METAP1D: variants seen among roughly 807,000 people sequenced by gnomAD.
METAP1D encodes methionine aminopeptidase 1D, mitochondrial.
A neutral mutation model predicts 40.5 loss-of-function variants in METAP1D; 31 were observed. The ratio of observed to expected loss-of-function variants is 0.77; its 90% CI spans 0.58 to 1.03. The LOEUF is 1.03. METAP1D is among the 50% of genes least tolerant of loss of function. METAP1D has a pLI of 0.00. For synonymous variants in METAP1D, 151 were observed against 146.4 expected (o/e 1.03, Z -0.22); for missense variants, 411 against 420.7 (o/e 0.98, Z 0.20).
chr2:172,026,005 A>C (rs1689113097), intron 1 of METAP1D, among the ~76,000 whole-genome samples: 6 of 152,190 alleles, frequency 3.9e-5, no homozygotes, highest in Admixed American at 1.3e-4. Context: ...ACCAAATTTG[A>C]GAGTAATTTC....
chr2:172,075,144 A>C (rs1380218595), intron 6 of METAP1D, among the ~76,000 whole-genome samples: 1 of 152,226 alleles, frequency 6.6e-6, no homozygotes, highest in Admixed American at 6.5e-5. Flanking sequence ...AGACAGTATA[A>C]TAGGAAAGTA....
Position 172,080,465 on chromosome 2 carries a change from G to A in METAP1D, c.*59G>A, listed in dbSNP as rs574693928. 778 of 1,568,430 alleles carry A rather than the reference G, an allele frequency of 5.0e-4. 7 individuals carry two copies. The South Asian group carries it at 6.7e-3, about 14-fold the overall frequency. Reference sequence around the variant, plus strand: ...TTTTTAAATAAATTGCTGAAATTTGGCTGGAGAACTTTTAGAAGAAACAGG... The same window carrying A: ...TTTTTAAATAAATTGCTGAAATTTGACTGGAGAACTTTTAGAAGAAACAGG... On this transcript the variant is annotated 3_prime_UTR_variant, in exon 10 of 10. Coordinates refer to ENST00000315796, the MANE Select transcript of METAP1D (RefSeq NM_199227.3).
chr2:172,031,572 A>T (rs1440053345), intron 1 of METAP1D, among the ~76,000 whole-genome samples: 2 of 152,224 alleles, frequency 1.3e-5, no homozygotes, highest in South Asian at 2.1e-4. Flanking sequence ...TTTGAGCACA[A>T]TACCAAAGTG....
Position 172,003,812 on chromosome 2 carries a change from TG to T in METAP1D, c.40+3804del, listed in dbSNP as rs541969409. 7.7e-3 allele frequency among the ~76,000 whole-genome samples: 1,171 copies of T among 152,044 alleles called. 19 individuals carry two copies. The highest frequency in any genetic ancestry group is 0.026 in the African/African-American group (1,080 of 41,472). On this transcript the variant is annotated intron_variant, in intron 1 of 9. Transcript: ENST00000315796. ...CAGAGTCTCGCCCTGTAGCACAGGG[TG>T]AAGTGCAGTGGTGCGATCTTGGCTC... is the stretch of plus-strand genomic sequence containing the variant.
intron 4 of METAP1D, 142 bp downstream of exon 4, chr2:172,065,894 T>A: frequency 2.2e-6 from 2 of 910,660 alleles, no homozygotes; most frequent in Non-Finnish European, 3.2e-6. Context: ...ACAGAAATTT[T>A]GAAGTATTTT....
At chr2:172,042,613 A>G (rs796185154) in intron 1 of METAP1D, among the ~76,000 whole-genome samples, 1,872 of 8,598 alleles carry the variant, frequency 0.22, 918 homozygotes, top group South Asian at 0.75. Context: ...ATATATACAT[A>G]TATGTGTGTA....
chr2:172,010,142 CTTT>C (rs570964028), intron 1 of METAP1D, among the ~76,000 whole-genome samples: 12 of 134,318 alleles, frequency 8.9e-5, no homozygotes, highest in Non-Finnish European at 1.1e-4. Context: ...TTTGTCCCTT[CTTT>C]TTTTTTTTTT....
chr2:172,080,528 A>C lies in METAP1D; in HGVS notation c.*122A>C, dbSNP rs1690680566. The C allele has an allele frequency of 1.9e-6, 2 of 1,041,472 alleles. No homozygotes were observed. The highest frequency in any genetic ancestry group is 3.2e-5 in the African/African-American group (2 of 63,488). The allele number at this position is 1,041,472 out of a possible 1,614,324, so 64.5% of individuals were successfully genotyped here. On this transcript the variant is annotated 3_prime_UTR_variant, in exon 10 of 10. Transcript: ENST00000315796. ...GGTGCGGTAACCTGCGTGGCTCCTG[A>C]TAGCGTTTGGAAGAACGCGGGGGAG... is the stretch of plus-strand genomic sequence containing the variant.
intron 6 of METAP1D, among the ~76,000 whole-genome samples, chr2:172,076,848 A>C (rs1162806762): frequency 6.6e-6 from 1 of 152,244 alleles, no homozygotes; most frequent in Non-Finnish European, 1.5e-5. Flanking sequence ...TGTTAGGGTT[A>C]GGGGCATTTT....
chr2:172,002,229 AAC>A (rs768034258), intron 1 of METAP1D, among the ~76,000 whole-genome samples: 7 of 152,044 alleles, frequency 4.6e-5, no homozygotes, highest in Non-Finnish European at 1.0e-4. Flanking sequence ...ACAACCTGAA[AAC>A]ATACATAGGT....
At chr2:172,011,051 A>G (rs552388791) in intron 1 of METAP1D, among the ~76,000 whole-genome samples, 264 of 150,774 alleles carry the variant, frequency 1.8e-3, no homozygotes, top group East Asian at 0.016. Flanking sequence ...CACCGCGCCC[A>G]GCCTGTCTGT....
chr2:172,003,886 TC>T (rs767473945), intron 1 of METAP1D, among the ~76,000 whole-genome samples: 1 of 152,046 alleles, frequency 6.6e-6, no homozygotes, highest in Non-Finnish European at 1.5e-5. Context: ...TGCCTCAGCC[TC>T]CCGAGTAGCT....
chr2:172,077,282 TA>T (rs1198527092), intron 6 of METAP1D, among the ~76,000 whole-genome samples: 1 of 152,242 alleles, frequency 6.6e-6, no homozygotes, highest in Non-Finnish European at 1.5e-5. Context: ...TGCCTGTTGG[TA>T]AAATGTGTAA....
intron 1 of METAP1D, among the ~76,000 whole-genome samples, chr2:172,020,722 G>A (rs1286686218): frequency 6.6e-6 from 1 of 152,144 alleles, no homozygotes; most frequent in East Asian, 1.9e-4. Flanking sequence ...GTATTGTGGA[G>A]AAAATAGAAC....
rs1218168897 is a variant in METAP1D, at chr2:172,082,096, A to C, written c.*1690A>C. The stretch of plus-strand genomic sequence containing the variant: ...ATAGAAAAACTTTTTGTGTGGTCGG[A>C]AGTTGGCCAAGCAGAGGCCCACAGC... On this transcript the variant is annotated 3_prime_UTR_variant, in exon 10 of 10. Coordinates refer to ENST00000315796, the MANE Select transcript of METAP1D (RefSeq NM_199227.3). The C allele has an allele frequency of 2.0e-5, 3 of 152,396 alleles. No individual in the cohort carries two copies. Among genetic ancestry groups the C allele is most frequent in the Non-Finnish European group, 4.4e-5 (3 of 68,240 alleles). The allele number at this position is 152,396 out of a possible 1,614,324, so 9.4% of individuals were successfully genotyped here.
intron 1 of METAP1D, among the ~76,000 whole-genome samples, chr2:172,052,044 A>T (rs2129475): frequency 6.6e-6 from 1 of 151,944 alleles, no homozygotes; most frequent in African/African-American, 2.4e-5. Flanking sequence ...TTGGATGTGA[A>T]GTAGAATATT....
At chr2:172,034,986 C>CTTTTTTTTTT (rs66853451) in intron 1 of METAP1D, among the ~76,000 whole-genome samples, 9 of 135,566 alleles carry the variant, frequency 6.6e-5, no homozygotes, top group East Asian at 6.3e-4. Context: ...GAATTTTTTT[C>CTTTTTTTTTT]TTTTTTTTTT....
intron 1 of METAP1D, among the ~76,000 whole-genome samples, chr2:172,035,154 T>TTTTGTTTG (rs1553492540): frequency 1.9e-4 from 28 of 150,200 alleles, no homozygotes; most frequent in Admixed American, 4.0e-4. Context: ...TGTGTTTTTT[T>TTTTGTTTG]TTTGTTTGTT....
chr2:172,080,089 C>G, intron 8 of METAP1D, 39 bp from the exon 9 acceptor site: 2 of 1,526,972 alleles, frequency 1.3e-6, no homozygotes, highest in Non-Finnish European at 1.8e-6. Context: ...TAACAAGAAT[C>G]TGATGAGGTC....
Sources: allele counts gnomAD v4.1 joint callset (sites outside exome capture counted in the v4.1 genomes callset), GRCh38; gene constraint gnomAD v4.1.1; transcripts MANE v1.5; gene names NCBI Gene and HGNC (gene_info 2026-07-23, HGNC 2026-07-21).